CACNA1I: variants seen among roughly 807,000 people sequenced by gnomAD.
CACNA1I encodes the protein voltage-dependent T-type calcium channel subunit alpha-1I.
Under a neutral mutation model 201.6 loss-of-function variants are expected in CACNA1I, and 74 were observed. The ratio of observed to expected loss-of-function variants is 0.37; its 90% CI spans 0.30 to 0.45. The LOEUF (loss-of-function observed/expected upper bound fraction) is 0.45. Ranked by LOEUF, CACNA1I falls within the 20% of genes least tolerant of loss-of-function variation. The probability of loss-of-function intolerance (pLI) is 1.00; values close to 1 mark genes in which losing one functional copy is unlikely to be tolerated. For synonymous variants in CACNA1I, 1,431 were observed against 1,345.2 expected (o/e 1.06, Z -1.40); for missense variants, 2,346 against 3,138.1 (o/e 0.75, Z 6.03).
chr22:39,628,422 A>G (rs761372915), intron 4 of CACNA1I, among the ~76,000 whole-genome samples: 7 of 151,450 alleles, frequency 4.6e-5, no homozygotes, highest in Admixed American at 2.6e-4. Context: ...GATGCCTAGG[A>G]GTGGTTTGGG....
chr22:39,628,386 A>T (rs1933957047), intron 4 of CACNA1I, among the ~76,000 whole-genome samples: 1 of 151,842 alleles, frequency 6.6e-6, no homozygotes, highest in South Asian at 2.1e-4. Flanking sequence ...GGCTTCCCAG[A>T]GGAGGGGGTG....
At chr22:39,572,319 G>C (rs568330432) in intron 1 of CACNA1I, among the ~76,000 whole-genome samples, 1 of 152,066 alleles carries the variant, frequency 6.6e-6, no homozygotes, top group Non-Finnish European at 1.5e-5. Flanking sequence ...TATGTGGCTC[G>C]AGGTTCTGGT....
At chr22:39,591,661 C>T (rs1469499461) in intron 1 of CACNA1I, among the ~76,000 whole-genome samples, 1 of 152,100 alleles carries the variant, frequency 6.6e-6, no homozygotes, top group African/African-American at 2.4e-5. Flanking sequence ...CGGGTTCAAG[C>T]GATTCTTCCA....
chr22:39,598,679 C>T (rs1474158347), intron 2 of CACNA1I, among the ~76,000 whole-genome samples: 2 of 152,104 alleles, frequency 1.3e-5, no homozygotes, highest in Non-Finnish European at 2.9e-5. Flanking sequence ...GCACTTCGTC[C>T]CCCGTGCTCT....
intron 1 of CACNA1I, among the ~76,000 whole-genome samples, chr22:39,576,865 T>C (rs573063298): frequency 6.6e-6 from 1 of 152,318 alleles, no homozygotes; most frequent in South Asian, 2.1e-4. Context: ...GCCTTGCCCC[T>C]CTGCCGACTT....
chr22:39,674,477 G>A (rs1935463609), intron 29 of CACNA1I, among the ~76,000 whole-genome samples: 1 of 152,220 alleles, frequency 6.6e-6, no homozygotes, highest in Non-Finnish European at 1.5e-5. Context: ...AGGTGGCAGT[G>A]TGGATGGAGA....
rs12484453 is a variant in CACNA1I, at chr22:39,687,358, G to A, written c.*953G>A. On this transcript the variant is annotated 3_prime_UTR_variant, in exon 37 of 37. Transcript: ENST00000402142. The stretch of plus-strand genomic sequence containing the variant: ...GGGGCTAGGGTACCCGCCTGGTCTC[G>A]GCTGGCTCCAGCTGCCCTGCAGGTG... The A allele has an allele frequency of 1.2e-4, 19 of 152,086 alleles. No individual in the cohort carries two copies. Among genetic ancestry groups the A allele is most frequent in the East Asian group, 3.9e-4 (2 of 5,188 alleles). The allele number at this position is 152,086 out of a possible 1,614,324, so 9.4% of individuals were successfully genotyped here.
chr22:39,686,256 G>A lies in CACNA1I; in HGVS notation c.6523G>A (p.Ala2175Thr). 7.8e-7 allele frequency: 1 copy of A among 1,283,954 alleles called. No homozygotes were observed. Among genetic ancestry groups the A allele is most frequent in the Middle Eastern group, 3.0e-4 (1 of 3,316 alleles). 79.5% of individuals were successfully genotyped at this position (1,283,954 alleles called of 1,614,324 possible). ...CGCCGCCGCCCTGGCCCACGGCCTG[G>A]CCCGGAGCCCCTCGTGGGCCGCGGA... The part of the protein sequence containing the change: ...PHAAALAHGL[A>T]RSPSWAADRS... The change falls in exon 37 of 37, where the codon GCC (alanine) becomes ACC (threonine). Residue 2175 changes from alanine (A) to threonine (T), a missense_variant. By Grantham distance (58) the Ala-to-Thr change is moderately conservative. Transcript: ENST00000402142.
chr22:39,598,380 CCG>C, intron 2 of CACNA1I, 118 bp downstream of exon 2: 1 of 632,748 alleles, frequency 1.6e-6, no homozygotes, highest in South Asian at 1.8e-5. Flanking sequence ...ACTCCATGCC[CCG>C]CCCCGCTCCG....
intron 31 of CACNA1I, among the ~76,000 whole-genome samples, chr22:39,678,626 G>A (rs961133394): frequency 1.3e-5 from 2 of 152,196 alleles, no homozygotes; most frequent in African/African-American, 2.4e-5. Flanking sequence ...CCCCCAGCAA[G>A]GGGGCAGGAA....
At position 39,660,448 on chromosome 22, in the gene CACNA1I, C is replaced by A; in HGVS notation, c.2698+11C>A. On this transcript the variant is annotated intron_variant, in intron 15 of 36. Coordinates refer to ENST00000402142, the MANE Select transcript of CACNA1I (RefSeq NM_021096.4). The stretch of plus-strand genomic sequence containing the variant: ...TGGACAGCAGCGGAGGTAAACAGGC[C>A]CTCGCTTGTCACCTAGAGAGCCCAG... 1 of 1,598,326 alleles carries A rather than the reference C, an allele frequency of 6.3e-7. No homozygotes were observed. The highest frequency in any genetic ancestry group is 1.3e-5 in the African/African-American group (1 of 74,676).
At position 39,677,328 on chromosome 22, in the gene CACNA1I, T is replaced by C. The variant is rs767036492; in HGVS notation, c.4855-13T>C. The C allele has an allele frequency of 1.3e-6, 2 of 1,552,712 alleles. No individual in the cohort carries two copies. The highest frequency in any genetic ancestry group is 3.6e-5 in the Admixed American group (2 of 55,958). ...CTCCCCAGCCCCACCCGGCCTCACCTGTCCTCCCGCAGGTGGGCAACCTGG... is the reference window on the plus strand; with the variant it reads ...CTCCCCAGCCCCACCCGGCCTCACCCGTCCTCCCGCAGGTGGGCAACCTGG... On this transcript the variant is annotated splice_polypyrimidine_tract_variant and intron_variant, in intron 29 of 36. Transcript: ENST00000402142. The surrounding 1 kb of genome is among the most constrained non-coding windows in gnomAD (Gnocchi z 4.8).
intron 1 of CACNA1I, among the ~76,000 whole-genome samples, chr22:39,576,311 A>G (rs1932349665): frequency 2.0e-5 from 3 of 152,240 alleles, no homozygotes; most frequent in Non-Finnish European, 4.4e-5. Context: ...TAACCCTCAT[A>G]ACCACCCGTG....
Position 39,685,597 on chromosome 22 carries a change from G to A in CACNA1I, c.6028-164G>A, listed in dbSNP as rs927034640. Among the ~76,000 whole-genome samples the A allele has an allele frequency of 2.6e-5, 4 of 152,114 alleles. No homozygotes were observed. Among genetic ancestry groups the A allele is most frequent in the Non-Finnish European group, 4.4e-5 (3 of 67,986 alleles). ...CTCTCGGGGCAGGTGAAGGCCCTGC[G>A]GTGACGCCGCCTAAGCTGGACGTGC... On this transcript the variant is annotated intron_variant, in intron 36 of 36. Coordinates refer to ENST00000402142, the MANE Select transcript of CACNA1I (RefSeq NM_021096.4). The surrounding 1 kb of genome is among the most constrained non-coding windows in gnomAD (Gnocchi z 5.0).
chr22:39,648,010 G>A lies in CACNA1I; in HGVS notation c.1567+84G>A. The A allele has an allele frequency of 8.1e-7, 1 of 1,228,098 alleles. No individual in the cohort carries two copies. The highest frequency in any genetic ancestry group is 1.2e-5 in the South Asian group (1 of 80,020). 76.1% of individuals were successfully genotyped at this position (1,228,098 alleles called of 1,614,324 possible). On this transcript the variant is annotated intron_variant, in intron 9 of 36. Coordinates refer to ENST00000402142, the MANE Select transcript of CACNA1I (RefSeq NM_021096.4). This position sits in a 1 kb window ranked among gnomAD's most constrained non-coding sequence, Gnocchi z 5.4. ...TTGGTGCTGAGAAGGAAGTCGGCAGGCATGGGGACGGCGCTTGAGCAGCCG... is the reference window on the plus strand; with the variant it reads ...TTGGTGCTGAGAAGGAAGTCGGCAGACATGGGGACGGCGCTTGAGCAGCCG...
chr22:39,595,485 C>T (rs1279867418), intron 1 of CACNA1I, among the ~76,000 whole-genome samples: 2 of 151,928 alleles, frequency 1.3e-5, no homozygotes, highest in Non-Finnish European at 2.9e-5. Flanking sequence ...ATTAGCCGGG[C>T]ATAGTGGCAG....
intron 1 of CACNA1I, among the ~76,000 whole-genome samples, chr22:39,583,008 CTG>C (rs748275771): frequency 2.0e-5 from 3 of 149,260 alleles, no homozygotes; most frequent in Non-Finnish European, 4.4e-5. Context: ...ATCCATCCAT[CTG>C]TCTTTCCATC....
intron 4 of CACNA1I, among the ~76,000 whole-genome samples, chr22:39,624,188 T>G (rs1005357856): frequency 2.6e-5 from 4 of 152,020 alleles, no homozygotes; most frequent in African/African-American, 7.3e-5. Context: ...GTGAAGAGCG[T>G]GCGTGCGCCT....
rs935827034 is a variant in CACNA1I at position 39,679,182 on chromosome 22, G to A, written c.5131G>A (p.Val1711Met). Residue 1711 changes from valine (V) to methionine (M), a missense_variant, in exon 32 of 37, where the codon GTG becomes ATG. By Grantham distance (21) the Val-to-Met change is conservative. Transcript: ENST00000402142. ...SLQFVSPLYF[V>M]SFVLTAQFVL... ...GCAGTTTGTGTCGCCGCTGTACTTCGTGAGCTTCGTGCTCACCGCGCAGTT... is the reference window on the plus strand; with the variant it reads ...GCAGTTTGTGTCGCCGCTGTACTTCATGAGCTTCGTGCTCACCGCGCAGTT... 1.9e-6 allele frequency: 3 copies of A among 1,591,174 alleles called. No individual in the cohort carries two copies. Among genetic ancestry groups the A allele is most frequent in the Non-Finnish European group, 2.6e-6 (3 of 1,169,922 alleles).
Sources: allele counts gnomAD v4.1 joint callset (sites outside exome capture counted in the v4.1 genomes callset), GRCh38; gene constraint gnomAD v4.1.1; non-coding constraint Gnocchi (gnomAD v3.1); transcripts MANE v1.5; gene names NCBI Gene and HGNC (gene_info 2026-07-23, HGNC 2026-07-21).